PARL: variants seen among roughly 807,000 people sequenced by gnomAD.
The protein encoded by PARL is presenilin-associated rhomboid-like protein, mitochondrial.
Under a neutral mutation model 51.6 loss-of-function variants are expected in PARL, and 44 were observed. The observed-to-expected ratio is 0.85, with a 90% CI of 0.67 to 1.10. PARL has a LOEUF of 1.10. PARL is among the 50% of genes least tolerant of loss of function. PARL has a pLI of 0.00. For missense variants in PARL, 441 were observed against 469.5 expected (o/e 0.94, Z 0.56); for synonymous variants, 172 against 164.0 (o/e 1.05, Z -0.37).
At chr3:183,882,296 T>C (rs1400484771) in intron 1 of PARL, among the ~76,000 whole-genome samples, 2 of 100,804 alleles carry the variant, frequency 2.0e-5, no homozygotes, top group African/African-American at 6.8e-5. Flanking sequence ...CACACACATA[T>C]ATATACACAC....
intron 9 of PARL, among the ~76,000 whole-genome samples, chr3:183,832,129 A>ACT (rs2108579423): frequency 6.6e-6 from 1 of 151,454 alleles, no homozygotes; most frequent in Admixed American, 6.6e-5. Context: ...ACTACATACT[A>ACT]CTCCTCTTTA....
At chr3:183,851,594 C>T (rs1730552943) in intron 4 of PARL, among the ~76,000 whole-genome samples, 1 of 152,174 alleles carries the variant, frequency 6.6e-6, no homozygotes, top group Middle Eastern at 3.4e-3. Context: ...CACAGTGATA[C>T]ACCCCTTCAC....
At chr3:183,839,042 A>G (rs1232836233) in intron 7 of PARL, among the ~76,000 whole-genome samples, 2 of 152,236 alleles carry the variant, frequency 1.3e-5, no homozygotes, top group Admixed American at 6.5e-5. Flanking sequence ...GAGGTAGACA[A>G]TATGATTCGA....
intron 4 of PARL, among the ~76,000 whole-genome samples, chr3:183,852,859 G>A (rs1292436357): frequency 6.6e-6 from 1 of 152,218 alleles, no homozygotes; most frequent in African/African-American, 2.4e-5. Flanking sequence ...GGAAAATGGT[G>A]TAGCTACCTA....
Position 183,840,656 on chromosome 3 carries a change from C to T in PARL, c.758-16G>A. On this transcript the variant is annotated splice_polypyrimidine_tract_variant and intron_variant, in intron 6 of 9. Transcript: ENST00000317096. ...GAAATAACACCTGAAAAACAAGTCACATTACAATAATTTAAGTGAGGTATA... is the reference window on the plus strand; with the variant it reads ...GAAATAACACCTGAAAAACAAGTCATATTACAATAATTTAAGTGAGGTATA... The T allele has an allele frequency of 1.5e-6, 2 of 1,339,674 alleles. No homozygotes were observed. Among genetic ancestry groups the T allele is most frequent in the Non-Finnish European group, 1.1e-6 (1 of 946,324 alleles). 83.0% of individuals were successfully genotyped at this position (1,339,674 alleles called of 1,614,324 possible).
intron 5 of PARL, 99 bp downstream of exon 5, chr3:183,844,132 G>A (rs1729669558): frequency 1.2e-6 from 1 of 847,450 alleles, no homozygotes; most frequent in Admixed American, 1.7e-5. Flanking sequence ...TGTAGCTATT[G>A]ATAGGTAATT....
chr3:183,830,606 T>C lies in PARL; in HGVS notation c.1029-897A>G, dbSNP rs80160676. On this transcript the variant is annotated intron_variant, in intron 9 of 9. Transcript: ENST00000317096. ...CTCTGGCTTCCCCAAACAGATTTCA[T>C]GTTCCCTGAGGCAGAGACCAGATTT... is the stretch of plus-strand genomic sequence containing the variant. Among the ~76,000 whole-genome samples, 1,531 of 152,332 alleles carry C rather than the reference T, an allele frequency of 0.01. 116 individuals are homozygous for C. The East Asian group carries it at 0.18, about 18-fold the overall frequency.
At chr3:183,846,475 A>G (rs1729965646) in intron 4 of PARL, 1 of 971,270 alleles carries the variant, frequency 1.0e-6, no homozygotes, top group South Asian at 4.8e-5. Context: ...CCTGGGCAAC[A>G]AGAGGGAAAC....
intron 1 of PARL, among the ~76,000 whole-genome samples, chr3:183,876,149 C>T (rs1181801531): frequency 6.6e-6 from 1 of 152,208 alleles, no homozygotes; most frequent in Admixed American, 6.5e-5. Flanking sequence ...CAGGTTCAAG[C>T]AGTTCTCCTG....
Position 183,833,528 on chromosome 3 carries a change from T to A in PARL, c.992A>T (p.Asp331Val). ...AGCTCCCCCAAGATGTGCCGCATGATCAAAAAATTTCCATCCCAGGATCAT... is the reference window on the plus strand; with the variant it reads ...AGCTCCCCCAAGATGTGCCGCATGAACAAAAAATTTCCATCCCAGGATCAT... ...AGMILGWKFF[D>V]HAAHLGGALF... Residue 331 changes from aspartate to valine, a missense_variant, in exon 9 of 10, where the codon GAT (aspartate) becomes GTT (valine). By Grantham distance (152) the Asp-to-Val change is radical. Transcript: ENST00000317096. 1 of 1,613,580 alleles carries A rather than the reference T, an allele frequency of 6.2e-7. No homozygotes were observed. Among genetic ancestry groups the A allele is most frequent in the South Asian group, 1.1e-5 (1 of 91,076 alleles).
intron 4 of PARL, among the ~76,000 whole-genome samples, chr3:183,847,196 C>G (rs1730054790): frequency 6.6e-6 from 1 of 152,186 alleles, no homozygotes; most frequent in African/African-American, 2.4e-5. Context: ...ACATTATAAC[C>G]TGGGGAAGAG....
In PARL at chr3:183,880,410, T is replaced by C. The variant is rs1033699398; in HGVS notation, c.125+4312A>G. Among the ~76,000 whole-genome samples the C allele has an allele frequency of 7.9e-5, 12 of 152,190 alleles. 1 individual carries two copies. Among genetic ancestry groups the C allele is most frequent in the Admixed American group, 4.6e-4 (7 of 15,290 alleles). ...ACAGTTATAGTTCAGTTTTTTTTTTTCCGTTTTTAAGACACAGTTTTGCTC... is the reference window on the plus strand; with the variant it reads ...ACAGTTATAGTTCAGTTTTTTTTTTCCCGTTTTTAAGACACAGTTTTGCTC... On this transcript the variant is annotated intron_variant, in intron 1 of 9. Transcript: ENST00000317096.
At chr3:183,879,879 ATT>A (rs532111761) in intron 1 of PARL, 10,125 of 130,940 alleles carry the variant, frequency 0.077, 207 homozygotes, top group Middle Eastern at 0.098. Flanking sequence ...ACCAGGACTG[ATT>A]TTTTTTTTTT....
chr3:183,870,613 C>T (rs1002061111), intron 1 of PARL, among the ~76,000 whole-genome samples: 10 of 152,202 alleles, frequency 6.6e-5, no homozygotes, highest in African/African-American at 2.4e-4. Context: ...CCAGTACTGC[C>T]CCACTCCAAG....
chr3:183,830,815 T>A (rs1216236430), intron 9 of PARL, among the ~76,000 whole-genome samples: 1 of 152,238 alleles, frequency 6.6e-6, no homozygotes, highest in East Asian at 1.9e-4. Context: ...AATCTGATTA[T>A]ACACATTAAT....
chr3:183,882,337 A>C (rs1339044752), intron 1 of PARL, among the ~76,000 whole-genome samples: 1 of 146,306 alleles, frequency 6.8e-6, no homozygotes, highest in African/African-American at 2.6e-5. Context: ...ACACATATAT[A>C]CACACACATA....
intron 4 of PARL, among the ~76,000 whole-genome samples, chr3:183,854,076 C>CA (rs1248794019): frequency 2.1e-3 from 305 of 144,346 alleles, no homozygotes; most frequent in African/African-American, 6.3e-3. Context: ...CTGTCTCTAC[C>CA]AAAAAAAAAA....
intron 1 of PARL, among the ~76,000 whole-genome samples, chr3:183,868,739 GTTTT>G (rs1732827531): frequency 6.6e-6 from 1 of 152,132 alleles, no homozygotes; most frequent in South Asian, 2.1e-4. Flanking sequence ...ATGACTTCTG[GTTTT>G]TTGTTTAAAG....
chr3:183,851,308 C>T (rs930977613), intron 4 of PARL, among the ~76,000 whole-genome samples: 1 of 152,104 alleles, frequency 6.6e-6, no homozygotes, highest in African/African-American at 2.4e-5. Context: ...ATAAAATGAA[C>T]TTCAGCAAAA....
Sources: gnomAD v4.1 joint callset for allele counts (sites outside exome capture counted in the v4.1 genomes callset) on GRCh38, gnomAD v4.1.1 for gene constraint, MANE v1.5 for transcripts, NCBI Gene and HGNC (gene_info 2026-07-23, HGNC 2026-07-21) for gene names.